The following HEATR5B variants were observed in gnomAD, a reference collection of about 807,000 sequenced individuals.
HEATR5B encodes HEAT repeat-containing protein 5B.
A neutral mutation model predicts 224.1 loss-of-function variants in HEATR5B; 156 were observed. The observed-to-expected ratio is 0.70, with a 90% confidence interval of 0.61 to 0.80. HEATR5B has a LOEUF of 0.80. HEATR5B is among the 30% of genes least tolerant of loss of function. The pLI is 0.00. For synonymous variants in HEATR5B, 1,027 were observed against 893.0 expected (o/e 1.15, Z -2.68); for missense variants, 2,323 against 2,535.5 (o/e 0.92, Z 1.80).
chr2:37,051,550 C>T (rs1228419852), intron 17 of HEATR5B, among the ~76,000 whole-genome samples: 1 of 151,898 alleles, frequency 6.6e-6, no homozygotes, highest in East Asian at 1.9e-4. Flanking sequence ...GAGGCATTAG[C>T]ATATCTATGA....
At chr2:37,056,968 C>T (rs571441058) in intron 15 of HEATR5B, among the ~76,000 whole-genome samples, 1 of 152,226 alleles carries the variant, frequency 6.6e-6, no homozygotes, top group Admixed American at 6.5e-5. Flanking sequence ...GGCAAAAGTT[C>T]TAAATCTTCA....
chr2:37,066,181 T>C (rs1436840554), intron 8 of HEATR5B, among the ~76,000 whole-genome samples: 2 of 152,164 alleles, frequency 1.3e-5, no homozygotes, highest in Non-Finnish European at 2.9e-5. Context: ...AGCAATCCAG[T>C]GTATAAAAGC....
At chr2:37,017,939 T>C (rs1668225654) in intron 26 of HEATR5B, among the ~76,000 whole-genome samples, 3 of 152,166 alleles carry the variant, frequency 2.0e-5, no homozygotes, top group African/African-American at 7.2e-5. Context: ...ATCCACTGAT[T>C]ACTGTACCCA....
At chr2:37,058,394 T>C (rs956608265) in intron 14 of HEATR5B, 57 bp downstream of exon 14, 3 of 968,448 alleles carry the variant, frequency 3.1e-6, no homozygotes, top group East Asian at 2.4e-5. Context: ...GACTCTATAA[T>C]ACGGTGAAGA....
intron 35 of HEATR5B, among the ~76,000 whole-genome samples, chr2:36,988,341 C>T (rs549267242): frequency 6.6e-6 from 1 of 152,012 alleles, no homozygotes; most frequent in East Asian, 2.0e-4. Flanking sequence ...CGGCTCACTG[C>T]AACCTCCAAC....
At chr2:37,047,477 G>A (rs955470254) in intron 18 of HEATR5B, among the ~76,000 whole-genome samples, 2 of 152,174 alleles carry the variant, frequency 1.3e-5, no homozygotes, top group East Asian at 1.9e-4. Flanking sequence ...TGTTCACAGT[G>A]ATAATCATCT....
At chr2:37,045,494 G>A (rs1670133662) in intron 18 of HEATR5B, among the ~76,000 whole-genome samples, 1 of 152,150 alleles carries the variant, frequency 6.6e-6, no homozygotes, top group South Asian at 2.1e-4. Flanking sequence ...CACCTCAGGA[G>A]GTCTTTCTAT....
At chr2:37,059,082 TTAA>T (rs1319816872) in intron 12 of HEATR5B, 95 bp from the exon 13 acceptor site, 1 of 692,386 alleles carries the variant, frequency 1.4e-6, no homozygotes, top group African/African-American at 1.8e-5. Flanking sequence ...GTTGTAATAC[TTAA>T]TTATTATAAC....
intron 26 of HEATR5B, among the ~76,000 whole-genome samples, chr2:37,018,708 C>T (rs879511041): frequency 1.6e-4 from 24 of 152,104 alleles, no homozygotes; most frequent in Admixed American, 3.3e-4. Flanking sequence ...ACCACAGCAC[C>T]GTACTCCAGA....
chr2:37,002,200 T>G, intron 32 of HEATR5B, 106 bp downstream of exon 32: 854 of 1,224,582 alleles, frequency 7.0e-4, no homozygotes, highest in Non-Finnish European at 8.9e-4. Flanking sequence ...ATTTTTCACT[T>G]GAGATTTAAG....
At chr2:37,080,073 A>C in intron 2 of HEATR5B, among the ~76,000 whole-genome samples, 1 of 152,218 alleles carries the variant, frequency 6.6e-6, no homozygotes, top group Admixed American at 6.5e-5. Context: ...TCCAGGCTGA[A>C]GGAACAAGTA....
At chr2:37,056,705 A>C in intron 15 of HEATR5B, 90 bp from the exon 16 acceptor site, 1 of 1,021,810 alleles carries the variant, frequency 9.8e-7, no homozygotes, top group Non-Finnish European at 1.4e-6. Context: ...GCAGAGGAGA[A>C]AGGAGAAAAG....
intron 26 of HEATR5B, among the ~76,000 whole-genome samples, chr2:37,019,183 G>A (rs1266377291): frequency 6.6e-6 from 1 of 151,674 alleles, no homozygotes; most frequent in African/African-American, 2.4e-5. Flanking sequence ...GAAAATGTAC[G>A]TTTTTTGGTG....
At chr2:37,009,172 C>T (rs141888995) in intron 27 of HEATR5B, among the ~76,000 whole-genome samples, 52 of 145,402 alleles carry the variant, frequency 3.6e-4, no homozygotes, top group African/African-American at 1.2e-3. Context: ...GCAGGGGAAT[C>T]GCTTGAACCA....
chr2:37,030,290 A>T (rs1669045584), intron 22 of HEATR5B, among the ~76,000 whole-genome samples: 1 of 152,228 alleles, frequency 6.6e-6, no homozygotes, highest in Non-Finnish European at 1.5e-5. Context: ...GTTAAATGAA[A>T]GGGTTCCAAG....
intron 14 of HEATR5B, among the ~76,000 whole-genome samples, chr2:37,058,063 T>C (rs1046104680): frequency 2.6e-5 from 4 of 152,160 alleles, no homozygotes; most frequent in African/African-American, 7.2e-5. Flanking sequence ...TTACAGTATA[T>C]AGGAAGCATT....
intron 21 of HEATR5B, 80 bp from the exon 22 acceptor site, chr2:37,032,853 T>C (rs956046128): frequency 1.2e-4 from 128 of 1,101,712 alleles, no homozygotes; most frequent in Non-Finnish European, 1.5e-4. Context: ...TGAATATATA[T>C]ATACATACAT....
intron 2 of HEATR5B, among the ~76,000 whole-genome samples, chr2:37,080,629 T>C (rs529929925): frequency 1.3e-4 from 20 of 152,074 alleles, no homozygotes; most frequent in African/African-American, 4.8e-4. Context: ...GGAGGAGAAA[T>C]CAAGAATTTG....
chr2:37,016,783 T>C (rs1462193465), intron 26 of HEATR5B, among the ~76,000 whole-genome samples: 1 of 151,028 alleles, frequency 6.6e-6, no homozygotes, highest in Non-Finnish European at 1.5e-5. Context: ...GGAGAATAAG[T>C]ATTTATGTCA....
Sources: gnomAD v4.1 joint callset for allele counts (sites outside exome capture counted in the v4.1 genomes callset) on GRCh38, gnomAD v4.1.1 for gene constraint, MANE v1.5 for transcripts, NCBI Gene and HGNC (gene_info 2026-07-23, HGNC 2026-07-21) for gene names.